CFAP43: variants seen among roughly 807,000 people sequenced by gnomAD.
CFAP43 encodes the protein cilia and flagella associated protein 43, also known as cilia- and flagella-associated protein 43.
A neutral mutation model predicts 218.9 loss-of-function variants in CFAP43; 155 were observed. The observed-to-expected ratio is 0.71, with a 90% CI of 0.62 to 0.81. The LOEUF (loss-of-function observed/expected upper bound fraction) is 0.81. Ranked by LOEUF, CFAP43 falls within the 30% of genes least tolerant of loss-of-function variation. The pLI is 0.00. For missense variants in CFAP43, 1,778 were observed against 1,954.3 expected (o/e 0.91, Z 1.70); for synonymous variants, 645 against 681.3 (o/e 0.95, Z 0.83).
At chr10:104,140,161 C>T (rs188332558) in intron 34 of CFAP43, among the ~76,000 whole-genome samples, 1 of 152,036 alleles carries the variant, frequency 6.6e-6, no homozygotes, top group Non-Finnish European at 1.5e-5. Context: ...AAAGCTTATA[C>T]AGAAATAACA....
In CFAP43 at chr10:104,214,541, A is replaced by G. The variant is rs1454461652; in HGVS notation, c.417-115T>C. The G allele has an allele frequency of 5.6e-6, 5 of 899,698 alleles. No homozygotes were observed. The Admixed American group carries it at 1.7e-4, about 30-fold the overall frequency. 55.7% of individuals were successfully genotyped at this position (899,698 alleles called of 1,614,324 possible). A position where few individuals can be genotyped will look rare whatever the true frequency, so the allele number is the denominator to read the frequency against. ...GGATATAATTTATGATACAATTTATATAATCAATGACCTTAATGTCAAATT... is the reference window on the plus strand; with the variant it reads ...GGATATAATTTATGATACAATTTATGTAATCAATGACCTTAATGTCAAATT... On this transcript the variant is annotated intron_variant, in intron 3 of 37. Coordinates refer to ENST00000357060, the MANE Select transcript of CFAP43 (RefSeq NM_025145.7).
Position 104,192,124 on chromosome 10 carries a change from G to A in CFAP43, c.1546+75C>T, listed in dbSNP as rs146092297. 3,465 of 1,155,572 alleles carry A rather than the reference G, an allele frequency of 3.0e-3. 20 individuals carry two copies. Among genetic ancestry groups the A allele is most frequent in the Middle Eastern group, 0.013 (45 of 3,468 alleles). 71.6% of individuals were successfully genotyped at this position (1,155,572 alleles called of 1,614,324 possible). A position where few individuals can be genotyped will look rare whatever the true frequency, so the allele number is the denominator to read the frequency against. ...AAATAATTGTTTCAATATTCAATAT[G>A]AAAAGTCCATTTTCATAACCTTAAA... On this transcript the variant is annotated intron_variant, in intron 12 of 37. Transcript: ENST00000357060.
At chr10:104,214,450 G>GA (rs772962223) in intron 3 of CFAP43, 24 bp from the exon 4 acceptor site, 2 of 1,523,280 alleles carry the variant, frequency 1.3e-6, no homozygotes, top group East Asian at 4.7e-5. Context: ...AGCATTTGAT[G>GA]AAAAAAAGTT....
At chr10:104,171,715 G>A (rs1486162048) in intron 20 of CFAP43, among the ~76,000 whole-genome samples, 1 of 152,212 alleles carries the variant, frequency 6.6e-6, no homozygotes, top group East Asian at 1.9e-4. Context: ...ATCCATATGA[G>A]CAAACAATTT....
At chr10:104,203,022 A>C (rs2090578588) in intron 8 of CFAP43, among the ~76,000 whole-genome samples, 1 of 152,208 alleles carries the variant, frequency 6.6e-6, no homozygotes, top group African/African-American at 2.4e-5. Context: ...AGTATAATTG[A>C]AGTAAATGTT....
In CFAP43 at chr10:104,180,370, T is replaced by C. The variant is rs138614119; in HGVS notation, c.2290-438A>G. 5.3e-5 allele frequency among the ~76,000 whole-genome samples: 8 copies of C among 152,250 alleles called. No individual in the cohort carries two copies. In the East Asian group the frequency reaches 1.5e-3, roughly 29 times the overall value. ...GATCTTTCCCAACAGCATCCAAACATGCTCTACTATCTCCTGTCTTAGGAA... is the reference window on the plus strand; with the variant it reads ...GATCTTTCCCAACAGCATCCAAACACGCTCTACTATCTCCTGTCTTAGGAA... On this transcript the variant is annotated intron_variant, in intron 17 of 37. Transcript: ENST00000357060.
At chr10:104,204,707 A>G (rs2090629512) in intron 7 of CFAP43, among the ~76,000 whole-genome samples, 2 of 152,144 alleles carry the variant, frequency 1.3e-5, no homozygotes, top group Admixed American at 1.3e-4. Context: ...TGGGGGAGCT[A>G]AGTGTAGGTG....
At chr10:104,138,807 T>C (rs752893337) in intron 34 of CFAP43, among the ~76,000 whole-genome samples, 4 of 152,154 alleles carry the variant, frequency 2.6e-5, no homozygotes, top group Admixed American at 6.5e-5. Context: ...TTAATAATAA[T>C]GTGTCAATAT....
chr10:104,198,800 G>A lies in CFAP43; in HGVS notation c.1096-762C>T, dbSNP rs117728516. Reference sequence around the variant, plus strand: ...TGAGTAGCTGGGATTACAGGTGCCCGCCACTGTGCTCGGCTAATTTTTGTA... The same window carrying A: ...TGAGTAGCTGGGATTACAGGTGCCCACCACTGTGCTCGGCTAATTTTTGTA... On this transcript the variant is annotated intron_variant, in intron 8 of 37. Coordinates refer to ENST00000357060, the MANE Select transcript of CFAP43 (RefSeq NM_025145.7). Among the ~76,000 whole-genome samples, 1,182 of 151,784 alleles carry A rather than the reference G, an allele frequency of 7.8e-3. 12 individuals carry two copies. The highest frequency in any genetic ancestry group is 0.015 in the South Asian group (73 of 4,810).
intron 19 of CFAP43, among the ~76,000 whole-genome samples, chr10:104,175,732 T>C (rs887479510): frequency 4.6e-5 from 7 of 152,266 alleles, no homozygotes; most frequent in African/African-American, 1.7e-4. Flanking sequence ...AAGATCAAAA[T>C]AAGCCTGCAG....
chr10:104,201,368 T>C (rs952507397), intron 8 of CFAP43, among the ~76,000 whole-genome samples: 1 of 152,196 alleles, frequency 6.6e-6, no homozygotes, highest in African/African-American at 2.4e-5. Context: ...GCTTTTTGTT[T>C]ATCTCAATTG....
At chr10:104,175,443 A>T (rs1213643423) in intron 19 of CFAP43, among the ~76,000 whole-genome samples, 1 of 152,216 alleles carries the variant, frequency 6.6e-6, no homozygotes, top group Non-Finnish European at 1.5e-5. Flanking sequence ...TAAATGAAAG[A>T]TGTAAATATA....
In CFAP43 at chr10:104,215,136, AAAAT is replaced by A. The variant is rs34704967; in HGVS notation, c.417-714_417-711del. On this transcript the variant is annotated intron_variant, in intron 3 of 37. Transcript: ENST00000357060. ...GGCAACAGAGCAAGACTCCATCTCAAAAATAAATAAATAAATAAATAAATAAATA... is the reference window on the plus strand; with the variant it reads ...GGCAACAGAGCAAGACTCCATCTCAAAAATAAATAAATAAATAAATAAATA... Among the ~76,000 whole-genome samples the A allele has an allele frequency of 5.5e-3, 799 of 146,458 alleles. 6 individuals carry two copies. Among genetic ancestry groups the A allele is most frequent in the Middle Eastern group, 0.014 (4 of 288 alleles).
intron 19 of CFAP43, among the ~76,000 whole-genome samples, chr10:104,175,866 T>A (rs1351255477): frequency 6.6e-6 from 1 of 152,228 alleles, no homozygotes; most frequent in Non-Finnish European, 1.5e-5. Context: ...TAATTCAATT[T>A]AAAAAATATT....
chr10:104,206,097 TA>T (rs1316878808), intron 6 of CFAP43, 67 bp from the exon 7 acceptor site: 3 of 1,255,612 alleles, frequency 2.4e-6, no homozygotes, highest in Non-Finnish European at 3.4e-6. Context: ...CAATGAATAA[TA>T]AAAGCTACTT....
At chr10:104,176,878 C>A (rs993288549) in intron 19 of CFAP43, among the ~76,000 whole-genome samples, 10 of 152,016 alleles carry the variant, frequency 6.6e-5, no homozygotes, top group Admixed American at 6.6e-5. Flanking sequence ...CATAGGCTAG[C>A]TAACTCTAAT....
intron 24 of CFAP43, 64 bp from the exon 25 acceptor site, chr10:104,162,467 AC>A: frequency 7.2e-6 from 10 of 1,393,946 alleles, no homozygotes; most frequent in African/African-American, 1.4e-5. Context: ...CTTTCCTTCC[AC>A]ATACTGGGAG....
intron 32 of CFAP43, 124 bp downstream of exon 32, chr10:104,143,302 A>G: frequency 4.9e-6 from 4 of 818,632 alleles, no homozygotes; most frequent in Non-Finnish European, 7.5e-6. Context: ...TCTTATTACT[A>G]TGACCAAATA....
In CFAP43 at chr10:104,152,697, T is replaced by C. The variant is rs777558932; in HGVS notation, c.3570A>G (p.Gln1190=). The part of the protein sequence containing the change: ...KSLEAELKKL[Q]NSIQESTQAF... ...CCTGTGTGCTTTCTTGAATAGAGTTTTGAAGTTTCTTCAGTTCTGCTTCTA... is the reference window on the plus strand; with the variant it reads ...CCTGTGTGCTTTCTTGAATAGAGTTCTGAAGTTTCTTCAGTTCTGCTTCTA... Residue 1190 remains glutamine, a synonymous_variant, in exon 28 of 38, where the codon CAA becomes CAG. Coordinates refer to ENST00000357060, the MANE Select transcript of CFAP43 (RefSeq NM_025145.7). 5 of 1,612,652 alleles carry C rather than the reference T, an allele frequency of 3.1e-6. No individual in the cohort carries two copies. The highest frequency in any genetic ancestry group is 1.7e-6 in the Non-Finnish European group (2 of 1,179,648).
Sources: allele counts gnomAD v4.1 joint callset (sites outside exome capture counted in the v4.1 genomes callset), GRCh38; gene constraint gnomAD v4.1.1; transcripts MANE v1.5; gene names NCBI Gene and HGNC (gene_info 2026-07-23, HGNC 2026-07-21).